Variants in FAM220A observed in about 807,000 individuals in gnomAD.
FAM220A encodes family with sequence similarity 220 member A.
For synonymous variants in FAM220A, 141 were observed against 130.7 expected (o/e 1.08, Z -0.54); for missense variants, 392 against 321.6 (o/e 1.22, Z -1.68).
intron 1 of FAM220A, among the ~76,000 whole-genome samples, chr7:6,343,397 CATATATAT>C (rs10529573): frequency 0.042 from 3,628 of 86,464 alleles, 87 homozygotes; most frequent in Admixed American, 0.082. Context: ...ATAATAATTT[CATATATAT>C]ATATATATAT....
intron 1 of FAM220A, among the ~76,000 whole-genome samples, chr7:6,339,902 G>A (rs112621105): frequency 0.011 from 1,534 of 146,080 alleles, 11 homozygotes; most frequent in Middle Eastern, 0.07. Context: ...CTTTCCGCAG[G>A]GAGCATGAGT....
intron 1 of FAM220A, among the ~76,000 whole-genome samples, chr7:6,335,563 T>C (rs1481515876): frequency 1.3e-5 from 2 of 152,094 alleles, no homozygotes; most frequent in East Asian, 3.9e-4. Flanking sequence ...TAAAATGTCT[T>C]GGTTTAGTTC....
At chr7:6,334,130 G>A (rs993408626) in intron 1 of FAM220A, among the ~76,000 whole-genome samples, 36 of 151,610 alleles carry the variant, frequency 2.4e-4, no homozygotes, top group Non-Finnish European at 4.6e-4. Context: ...ACAAGCGTGA[G>A]CCACCGCACC....
At chr7:6,335,163 A>G (rs1362661377) in intron 1 of FAM220A, among the ~76,000 whole-genome samples, 1 of 151,906 alleles carries the variant, frequency 6.6e-6, no homozygotes, top group Non-Finnish European at 1.5e-5. Context: ...CCTAGGTTCA[A>G]GCGATTCTCC....
At position 6,334,711 on chromosome 7, in the gene FAM220A, C is replaced by T. The variant is rs369953464; in HGVS notation, c.-81-3476G>A. On this transcript the variant is annotated intron_variant, in intron 1 of 1. Transcript: ENST00000313324. ...AAACTCCTGAGCTCAGGCAGTCCAC[C>T]TGCCTTGGCCTCCCAAAGTGCTAGG... Among the ~76,000 whole-genome samples, 9 of 152,116 alleles carry T rather than the reference C, an allele frequency of 5.9e-5. No individual in the cohort carries two copies. The East Asian group carries it at 9.8e-4, about 17-fold the overall frequency.
At chr7:6,331,916 T>C (rs1422459582) in intron 1 of FAM220A, among the ~76,000 whole-genome samples, 1 of 151,966 alleles carries the variant, frequency 6.6e-6, no homozygotes, top group Non-Finnish European at 1.5e-5. Flanking sequence ...AATTCATTTT[T>C]TGTATTTTTA....
At chr7:6,348,479 T>C (rs1781998442) in intron 1 of FAM220A, 94 bp downstream of exon 1, 1 of 408,810 alleles carries the variant, frequency 2.4e-6, no homozygotes. Context: ...TACACTCAGC[T>C]TCTAGGCAGT....
At chr7:6,333,746 A>C (rs576556858) in intron 1 of FAM220A, among the ~76,000 whole-genome samples, 128 of 151,640 alleles carry the variant, frequency 8.4e-4, no homozygotes, top group African/African-American at 3.0e-3. Context: ...GAAGAGATCC[A>C]AGTAGGTGAC....
intron 1 of FAM220A, among the ~76,000 whole-genome samples, chr7:6,346,267 G>GT (rs1408600797): frequency 3.3e-5 from 5 of 152,102 alleles, no homozygotes; most frequent in African/African-American, 1.2e-4. Context: ...CCTGGTGGAG[G>GT]TTTTGACCCC....
At position 6,330,231 on chromosome 7, in the gene FAM220A, C is replaced by T. The variant is rs753197459; in HGVS notation, c.*144G>A. The T allele has an allele frequency of 1.4e-5, 11 of 809,246 alleles. No individual in the cohort carries two copies. Among genetic ancestry groups the T allele is most frequent in the Non-Finnish European group, 2.1e-5 (11 of 520,270 alleles). 50.1% of individuals were successfully genotyped at this position (809,246 alleles called of 1,614,324 possible). ...CGCATCAACTGGCTTTGAATTTAAA[C>T]TCAATTTACTTTAAGTCTGCCAGGT... On this transcript the variant is annotated 3_prime_UTR_variant, in exon 2 of 2. Coordinates refer to ENST00000313324, the MANE Select transcript of FAM220A (RefSeq NM_001037163.2).
chr7:6,330,888 T>A lies in FAM220A; in HGVS notation c.267A>T (p.Ser89=), dbSNP rs1197465683. ...GGPVLPYVRE[S]VRRNPASAAT... is the part of the protein sequence containing the mutation. ...CTGCTGAGGCTGGATTTCTTCTTAC[T>A]GATTCTCTCACATATGGAAGCACTG... The change falls in exon 2 of 2, where the codon TCA becomes TCT. Residue 89 remains serine, a synonymous_variant. Coordinates refer to ENST00000313324, the MANE Select transcript of FAM220A (RefSeq NM_001037163.2). The A allele has an allele frequency of 6.2e-7, 1 of 1,614,094 alleles. No individual in the cohort carries two copies. Among genetic ancestry groups the A allele is most frequent in the Admixed American group, 1.7e-5 (1 of 59,988 alleles).
intron 1 of FAM220A, 139 bp from the exon 2 acceptor site, chr7:6,331,374 G>A: frequency 1.6e-6 from 1 of 606,310 alleles, no homozygotes; most frequent in South Asian, 2.1e-5. Flanking sequence ...TATTGGTAAG[G>A]CTGGTTTTGA....
At chr7:6,343,102 T>G (rs185379167) in intron 1 of FAM220A, among the ~76,000 whole-genome samples, 1 of 149,764 alleles carries the variant, frequency 6.7e-6, no homozygotes, top group African/African-American at 2.4e-5. Flanking sequence ...ATTGGCCAGG[T>G]GCAGTGGCTT....
chr7:6,347,883 T>TATTATTATTATTA (rs1781983689), intron 1 of FAM220A, among the ~76,000 whole-genome samples: 1 of 131,538 alleles, frequency 7.6e-6, no homozygotes, highest in Non-Finnish European at 1.6e-5. Context: ...ACGAGACCCC[T>TATTATTATTATTA]TTATTATTAT....
At chr7:6,348,057 C>T (rs1781989793) in intron 1 of FAM220A, among the ~76,000 whole-genome samples, 1 of 151,492 alleles carries the variant, frequency 6.6e-6, no homozygotes, top group Admixed American at 6.6e-5. Flanking sequence ...ATTACAGGCA[C>T]GCGCCACCAC....
In FAM220A at chr7:6,330,204, T is replaced by G; in HGVS notation, c.*171A>C. 4.5e-6 allele frequency: 3 copies of G among 670,476 alleles called. No homozygotes were observed. The highest frequency in any genetic ancestry group is 7.6e-6 in the Non-Finnish European group (3 of 395,454). The allele number at this position is 670,476 out of a possible 1,614,324, so 41.5% of individuals were successfully genotyped here. On this transcript the variant is annotated 3_prime_UTR_variant, in exon 2 of 2. Transcript: ENST00000313324. ...TTTAACACATGCCAAAAAAGTTCCT[T>G]CCGCATCAACTGGCTTTGAATTTAA...
chr7:6,346,478 C>T (rs1467874646), intron 1 of FAM220A, among the ~76,000 whole-genome samples: 3 of 152,258 alleles, frequency 2.0e-5, no homozygotes, highest in South Asian at 2.1e-4. Context: ...GCGATCCTCC[C>T]ACCTCAGCCC....
chr7:6,336,647 G>T (rs1389210817), intron 1 of FAM220A, among the ~76,000 whole-genome samples: 1 of 150,198 alleles, frequency 6.7e-6, no homozygotes, highest in Non-Finnish European at 1.5e-5. Flanking sequence ...TGGCACCACT[G>T]TACTCCAGCC....
intron 1 of FAM220A, among the ~76,000 whole-genome samples, chr7:6,333,058 G>T (rs914750072): frequency 2.0e-5 from 3 of 151,754 alleles, no homozygotes; most frequent in Non-Finnish European, 4.4e-5. Flanking sequence ...CAGGGAGGCT[G>T]AAGCGAGAGA....
Sources: gnomAD v4.1 joint callset for allele counts (sites outside exome capture counted in the v4.1 genomes callset) on GRCh38, gnomAD v4.1.1 for gene constraint, MANE v1.5 for transcripts, NCBI Gene and HGNC (gene_info 2026-07-23, HGNC 2026-07-21) for gene names.